The following TFE3 variants were observed in gnomAD, a reference collection of about 807,000 sequenced individuals.
TFE3 encodes transcription factor binding to IGHM enhancer 3.
A neutral mutation model predicts 35.0 loss-of-function variants in TFE3; 5 were observed. That is an observed-to-expected ratio of 0.14 (90% CI 0.07 to 0.30). The LOEUF (loss-of-function observed/expected upper bound fraction) is 0.30. TFE3 is among the 10% of genes least tolerant of loss of function. The probability of loss-of-function intolerance (pLI) is 1.00; values close to 1 mark genes in which losing one functional copy is unlikely to be tolerated. For missense variants in TFE3, 374 were observed against 496.6 expected, an observed-to-expected ratio of 0.75 and a Z score of 2.35; for synonymous variants, 211 against 215.6, an observed-to-expected ratio of 0.98 and a Z score of 0.18.
intron 9 of TFE3, 152 bp downstream of exon 9, chrX:49,031,245 T>C: frequency 1.9e-6 from 1 of 538,086 alleles, no homozygotes; most frequent in African/African-American, 2.3e-5. Context: ...ATGATTATTA[T>C]TTATCATTAT....
rs973913269 is a variant in TFE3, at chrX:49,032,893, C to T, written c.1136+572G>A. ...GGTTTCACCATGTTGGCCTTCACCT[C>T]CTGACCTCGTGATCCGCCTGCCTTG... On this transcript the variant is annotated intron_variant, in intron 8 of 9. Coordinates refer to ENST00000315869, the MANE Select transcript of TFE3 (RefSeq NM_006521.6). Among the ~76,000 whole-genome samples the T allele has an allele frequency of 2.7e-5, 3 of 111,835 alleles. No individual in the cohort carries two copies. The Admixed American group carries it at 2.9e-4, about 11-fold the overall frequency.
chrX:49,029,187 C>T lies in TFE3; in HGVS notation c.*971G>A, dbSNP rs2064683910. On this transcript the variant is annotated 3_prime_UTR_variant, in exon 10 of 10. Transcript: ENST00000315869. ...ACCTGAACTCAGTCCCCCACTAATA[C>T]CCATCACCTTCCCAAACTGCCCCTC... is the stretch of plus-strand genomic sequence containing the variant. 1 of 173,483 alleles carries T rather than the reference C, an allele frequency of 5.8e-6. No homozygotes were observed. The highest frequency in any genetic ancestry group is 3.0e-5 in the African/African-American group (1 of 33,522). 14.3% of individuals were successfully genotyped at this position (173,483 alleles called of 1,213,427 possible).
intron 1 of TFE3, 101 bp from the exon 2 acceptor site, chrX:49,040,669 A>T: frequency 1.7e-6 from 1 of 575,495 alleles, no homozygotes; most frequent in Non-Finnish European, 2.9e-6. Context: ...GGGAGAACGA[A>T]GAGGAGGGTA....
intron 8 of TFE3, among the ~76,000 whole-genome samples, chrX:49,032,485 G>A (rs1271106754): frequency 1.8e-5 from 2 of 110,067 alleles, no homozygotes; most frequent in African/African-American, 3.3e-5. Context: ...TGATCCACCC[G>A]TCTCGGCCTC....
At chrX:49,040,821 C>A (rs1464542555) in intron 1 of TFE3, among the ~76,000 whole-genome samples, 5 of 107,460 alleles carry the variant, frequency 4.7e-5, no homozygotes, top group Non-Finnish European at 7.7e-5. Context: ...TGCATCCCAA[C>A]CCCCACACTG....
At chrX:49,035,424 G>T (rs1200251543) in intron 5 of TFE3, among the ~76,000 whole-genome samples, 349 of 4,189 alleles carry the variant, frequency 0.083, 103 homozygotes, top group South Asian at 0.41. Context: ...TTTTTTTTTT[G>T]GAGACGGAGT....
At chrX:49,032,198 C>T (rs782758711) in intron 8 of TFE3, 10 of 112,092 alleles carry the variant, frequency 8.9e-5, no homozygotes, top group Non-Finnish European at 1.7e-4. Context: ...CTGGCACAAA[C>T]CAGAGGTTCA....
rs1477523865 is a variant in TFE3 at position 49,029,859 on chromosome X, T to A, written c.*299A>T. On this transcript the variant is annotated 3_prime_UTR_variant, in exon 10 of 10. Coordinates refer to ENST00000315869, the MANE Select transcript of TFE3 (RefSeq NM_006521.6). ...CTTCCCTCACCTGGGCAAGGATGAG[T>A]CCCACAGGGGCAGGGGTGAGGCTGT... 4.0e-6 allele frequency: 2 copies of A among 498,023 alleles called. No homozygotes were observed. The highest frequency in any genetic ancestry group is 4.6e-5 in the African/African-American group (2 of 43,881). 41.0% of individuals were successfully genotyped at this position (498,023 alleles called of 1,213,427 possible).
chrX:49,034,977 A>C (rs1602495653), intron 5 of TFE3, among the ~76,000 whole-genome samples: 2 of 105,402 alleles, frequency 1.9e-5, no homozygotes, highest in African/African-American at 3.5e-5. Flanking sequence ...CCTCTCCTTC[A>C]CACTTTCCTG....
rs377533245 is a variant in TFE3 at position 49,030,190 on chromosome X, G to A, written c.1696C>T (p.Arg566Cys). 96 of 1,203,934 alleles carry A rather than the reference G, an allele frequency of 8.0e-5. No homozygotes were observed. Among genetic ancestry groups the A allele is most frequent in the Non-Finnish European group, 9.2e-5 (82 of 892,347 alleles). Reference protein sequence around the residue: ...SPAVSKASSRRSSFSMEEES With the variant: ...SPAVSKASSRCSSFSMEEES ...TCCTCTTCCATGCTGAAGCTGCTGC[G>A]GCGGCTGCTGGCCTTGGAGACAGCA... Residue 566 changes from arginine (R) to cysteine (C), a missense_variant, in exon 10 of 10, where the codon CGC (arginine) becomes TGC (cysteine). Physicochemically the swap from Arg to Cys is radical, Grantham distance 180 (BLOSUM62 -3). Coordinates refer to ENST00000315869, the MANE Select transcript of TFE3 (RefSeq NM_006521.6).
chrX:49,043,045 C>T (rs1232854979), intron 1 of TFE3, 66 bp downstream of exon 1: 2 of 987,930 alleles, frequency 2.0e-6, no homozygotes, highest in Non-Finnish European at 2.7e-6. Flanking sequence ...CCGGGGCCCC[C>T]ACTGCCCCCG....
At position 49,030,294 on chromosome X, in the gene TFE3, C is replaced by T. The variant is rs782285732; in HGVS notation, c.1592G>A (p.Gly531Glu). Residue 531 changes from glycine to glutamate, a missense_variant, in exon 10 of 10, where the codon GGG becomes GAG. Gly to Glu is a moderately conservative substitution (Grantham distance 98). Coordinates refer to ENST00000315869, the MANE Select transcript of TFE3 (RefSeq NM_006521.6). ...ACCCCCCGACAGTCCTCCCACCACCCCCTCCTCCTCCTCCATCAGAATGTC... is the reference window on the plus strand; with the variant it reads ...ACCCCCCGACAGTCCTCCCACCACCTCCTCCTCCTCCTCCATCAGAATGTC... ...LEDILMEEEE[G>E]VVGGLSGGAL... is the part of the protein sequence containing the mutation. 8.2e-5 allele frequency: 99 copies of T among 1,202,576 alleles called. No individual in the cohort carries two copies. The highest frequency in any genetic ancestry group is 2.3e-4 in the Middle Eastern group (1 of 4,286).
chrX:49,037,393 T>G (rs1242073348), intron 5 of TFE3, among the ~76,000 whole-genome samples: 1 of 110,709 alleles, frequency 9.0e-6, no homozygotes, highest in Non-Finnish European at 1.9e-5. Context: ...CTTGGTACAT[T>G]CAAGTTGCTA....
In TFE3 at chrX:49,030,205, T is replaced by C. The variant is rs1602492492; in HGVS notation, c.1681A>G (p.Lys561Glu). 1 of 1,207,788 alleles carries C rather than the reference T, an allele frequency of 8.3e-7. No individual in the cohort carries two copies. The highest frequency in any genetic ancestry group is 1.1e-6 in the Non-Finnish European group (1 of 893,590). The change falls in exon 10 of 10, where the codon AAG (lysine) becomes GAG (glutamate). Residue 561 changes from lysine to glutamate, a missense_variant. Transcript: ENST00000315869. ...LLSSVSPAVS[K>E]ASSRRSSFSM... is the part of the protein sequence containing the mutation. ...AAGCTGCTGCGGCGGCTGCTGGCCTTGGAGACAGCAGGGGACACTGAAGAG... is the reference window on the plus strand; with the variant it reads ...AAGCTGCTGCGGCGGCTGCTGGCCTCGGAGACAGCAGGGGACACTGAAGAG...
Position 49,043,303 on chromosome X carries a change from CT to C in TFE3, c.-78del. The C allele has an allele frequency of 1.3e-6, 1 of 791,190 alleles. No individual in the cohort carries two copies. The highest frequency in any genetic ancestry group is 1.7e-6 in the Non-Finnish European group (1 of 574,340). 65.2% of individuals were successfully genotyped at this position (791,190 alleles called of 1,213,427 possible). ...CCCCCTAACAAAATAAGAGTCCCCC[CT>C]CCCCCCAGCTCGCCACCGCCGCCTC... On this transcript the variant is annotated 5_prime_UTR_variant, in exon 1 of 10. Coordinates refer to ENST00000315869, the MANE Select transcript of TFE3 (RefSeq NM_006521.6).
At chrX:49,035,563 C>T (rs964994751) in intron 5 of TFE3, among the ~76,000 whole-genome samples, 3 of 103,131 alleles carry the variant, frequency 2.9e-5, no homozygotes, top group Non-Finnish European at 5.9e-5. Flanking sequence ...CCCGCCACCA[C>T]GCCCAGCTAA....
chrX:49,042,573 A>C (rs1189862116), intron 1 of TFE3, among the ~76,000 whole-genome samples: 1 of 111,150 alleles, frequency 9.0e-6, no homozygotes, highest in Non-Finnish European at 1.9e-5. Context: ...TATCTGAGAT[A>C]CCTCCAAATC....
intron 5 of TFE3, among the ~76,000 whole-genome samples, chrX:49,035,322 A>AAATAAATAAAT (rs2064722038): frequency 1.2e-5 from 1 of 83,480 alleles, no homozygotes; most frequent in East Asian, 3.8e-4. Context: ...ACTCTATCTC[A>AAATAAATAAAT]AAATAAATAA....
Position 49,034,122 on chromosome X carries a change from C to T in TFE3, c.1003+12G>A, listed in dbSNP as rs782261224. On this transcript the variant is annotated intron_variant, in intron 6 of 9. Coordinates refer to ENST00000315869, the MANE Select transcript of TFE3 (RefSeq NM_006521.6). ...AAGTGTAGGGCCATGGGGCCAAGAC[C>T]CTATCACCTACCAGAGATCTCCCGT... is the stretch of plus-strand genomic sequence containing the variant. 2.4e-5 allele frequency: 29 copies of T among 1,192,924 alleles called. 1 individual carries two copies. The East Asian group carries it at 4.2e-4, about 17-fold the overall frequency.
Sources: gnomAD v4.1 joint callset for allele counts (sites outside exome capture counted in the v4.1 genomes callset) on GRCh38, gnomAD v4.1.1 for gene constraint, MANE v1.5 for transcripts, NCBI Gene and HGNC (gene_info 2026-07-23, HGNC 2026-07-21) for gene names.